Variants in BNC2 observed in about 807,000 individuals in gnomAD.
BNC2 encodes the protein zinc finger protein basonuclin-2.
A neutral mutation model predicts 76.3 loss-of-function variants in BNC2; 20 were observed. The ratio of observed to expected loss-of-function variants is 0.26; its 90% CI spans 0.18 to 0.38. BNC2 has a LOEUF of 0.38. Ranked by LOEUF, BNC2 falls within the 10% of genes least tolerant of loss-of-function variation. The probability of loss-of-function intolerance (pLI) is 1.00; values close to 1 mark genes in which losing one functional copy is unlikely to be tolerated. For synonymous variants in BNC2, 582 were observed against 514.8 expected, an observed-to-expected ratio of 1.13 and a Z score of -1.77; for missense variants, 1,382 against 1,399.8, an observed-to-expected ratio of 0.99 and a Z score of 0.20.
At chr9:16,716,139 T>C (rs947842056) in intron 3 of BNC2, among the ~76,000 whole-genome samples, 5 of 152,214 alleles carry the variant, frequency 3.3e-5, no homozygotes, top group African/African-American at 9.6e-5. Flanking sequence ...TTTTGTTCCT[T>C]CACATGTTAA....
At chr9:16,731,459 A>G (rs990806760) in intron 2 of BNC2, among the ~76,000 whole-genome samples, 5 of 152,158 alleles carry the variant, frequency 3.3e-5, no homozygotes, top group East Asian at 3.9e-4. Context: ...ACCACACCAC[A>G]TAAGTAGAAA....
At chr9:16,780,244 A>AAC (rs1366041968) in intron 1 of BNC2, among the ~76,000 whole-genome samples, 19 of 112,216 alleles carry the variant, frequency 1.7e-4, no homozygotes, top group Middle Eastern at 4.9e-3. Flanking sequence ...TCAAAAAAAA[A>AAC]AAAAAAAAAA....
intron 6 of BNC2, among the ~76,000 whole-genome samples, chr9:16,430,579 G>C (rs1170379043): frequency 6.6e-6 from 1 of 152,156 alleles, no homozygotes; most frequent in Non-Finnish European, 1.5e-5. Context: ...CAGGTAACAT[G>C]TTTTCGCATC....
Position 16,418,664 on chromosome 9 carries a change from C to CTGTGTGTGTGTGTGTGTGTG in BNC2, c.*305_*324dup, listed in dbSNP as rs139823578. 390 of 214,828 alleles carry CTGTGTGTGTGTGTGTGTGTG rather than the reference C, an allele frequency of 1.8e-3. No individual in the cohort carries two copies. The highest frequency in any genetic ancestry group is 6.4e-3 in the African/African-American group (262 of 40,758). The allele number at this position is 214,828 out of a possible 1,614,324, so 13.3% of individuals were successfully genotyped here. On this transcript the variant is annotated 3_prime_UTR_variant, in exon 7 of 7. Coordinates refer to ENST00000380672, the MANE Select transcript of BNC2 (RefSeq NM_017637.6). ...TGTCAAAACTGGGGCTAGTTGCACA[C>CTGTGTGTGTGTGTGTGTGTG]TGTGTGTGTGTGTGTGTGTGTGTGT...
intron 5 of BNC2, among the ~76,000 whole-genome samples, chr9:16,459,645 A>C (rs1821531238): frequency 1.3e-5 from 2 of 152,326 alleles, no homozygotes; most frequent in South Asian, 4.1e-4. Flanking sequence ...AGCAACAAAG[A>C]AAACAGCATG....
At chr9:16,680,749 G>GTT (rs1822799001) in intron 3 of BNC2, among the ~76,000 whole-genome samples, 1 of 151,540 alleles carries the variant, frequency 6.6e-6, no homozygotes, top group African/African-American at 2.4e-5. Context: ...AAAAAAATCA[G>GTT]TATCAATACA....
intron 3 of BNC2, among the ~76,000 whole-genome samples, chr9:16,670,608 G>A (rs1047978461): frequency 2.6e-5 from 4 of 152,158 alleles, no homozygotes; most frequent in African/African-American, 9.7e-5. Context: ...TAATAAAAGG[G>A]AAATGCGTTA....
chr9:16,501,933 C>G (rs1198708165), intron 5 of BNC2, among the ~76,000 whole-genome samples: 2 of 152,142 alleles, frequency 1.3e-5, no homozygotes, highest in African/African-American at 4.8e-5. Context: ...CTGGGGAATA[C>G]CAAGACACTT....
intron 3 of BNC2, among the ~76,000 whole-genome samples, chr9:16,715,051 C>T (rs1335599211): frequency 1.3e-5 from 2 of 152,116 alleles, no homozygotes; most frequent in African/African-American, 2.4e-5. Flanking sequence ...TAATCAATTG[C>T]TTGGTAAATT....
chr9:16,635,947 ATG>A (rs1279233679), intron 3 of BNC2, among the ~76,000 whole-genome samples: 3 of 152,194 alleles, frequency 2.0e-5, no homozygotes, highest in African/African-American at 7.2e-5. Flanking sequence ...AAGTAAGGGA[ATG>A]TGTAGAACAG....
chr9:16,497,396 T>C (rs1822412318), intron 5 of BNC2, among the ~76,000 whole-genome samples: 1 of 152,246 alleles, frequency 6.6e-6, no homozygotes, highest in South Asian at 2.1e-4. Flanking sequence ...GTTGGTTTTA[T>C]CAGCAAAAGC....
intron 1 of BNC2, among the ~76,000 whole-genome samples, chr9:16,807,352 T>C (rs143906359): frequency 8.9e-4 from 136 of 152,340 alleles, no homozygotes; most frequent in Non-Finnish European, 1.6e-3. Flanking sequence ...GGACAGAAAC[T>C]ATCATTTTAT....
At chr9:16,661,518 A>C (rs898431205) in intron 3 of BNC2, among the ~76,000 whole-genome samples, 9 of 152,180 alleles carry the variant, frequency 5.9e-5, no homozygotes, top group African/African-American at 2.4e-5. Flanking sequence ...CCTCTGTCTC[A>C]TAATTTCCGA....
At chr9:16,600,991 A>C (rs2133297988) in intron 3 of BNC2, among the ~76,000 whole-genome samples, 1 of 152,318 alleles carries the variant, frequency 6.6e-6, no homozygotes, top group South Asian at 2.1e-4. Context: ...TGATGATGAT[A>C]CATCTTTTAT....
chr9:16,692,892 G>A (rs549734661), intron 3 of BNC2, among the ~76,000 whole-genome samples: 1 of 152,050 alleles, frequency 6.6e-6, no homozygotes, highest in East Asian at 1.9e-4. Context: ...CACTTTGGGG[G>A]GCCAAGGTGG....
At chr9:16,493,993 C>T (rs933788137) in intron 5 of BNC2, among the ~76,000 whole-genome samples, 1 of 152,102 alleles carries the variant, frequency 6.6e-6, no homozygotes, top group Admixed American at 6.5e-5. Context: ...CTCCACTCAA[C>T]TAATAGGTCT....
At chr9:16,567,428 G>A (rs1819201461) in intron 4 of BNC2, among the ~76,000 whole-genome samples, 1 of 152,084 alleles carries the variant, frequency 6.6e-6, no homozygotes, top group Non-Finnish European at 1.5e-5. Flanking sequence ...GTGAGGGGTA[G>A]TTATAAAAGA....
At chr9:16,741,252 G>A (rs557308316) in intron 1 of BNC2, among the ~76,000 whole-genome samples, 4 of 151,802 alleles carry the variant, frequency 2.6e-5, no homozygotes, top group African/African-American at 9.7e-5. Context: ...TCAGGAGTTC[G>A]AGACCAGCCT....
intron 5 of BNC2, among the ~76,000 whole-genome samples, chr9:16,528,377 ATATT>A (rs1344275915): frequency 1.8e-4 from 28 of 152,176 alleles, no homozygotes; most frequent in Admixed American, 6.5e-4. Flanking sequence ...CTTGTTGAGG[ATATT>A]TATTCTCATA....
Sources: gnomAD v4.1 joint callset for allele counts (sites outside exome capture counted in the v4.1 genomes callset) on GRCh38, gnomAD v4.1.1 for gene constraint, MANE v1.5 for transcripts, NCBI Gene and HGNC (gene_info 2026-07-23, HGNC 2026-07-21) for gene names.